LRPPRC: variants seen among roughly 807,000 people sequenced by gnomAD.
LRPPRC encodes leucine rich pentatricopeptide repeat containing.
Under a neutral mutation model 180.3 loss-of-function variants are expected in LRPPRC, and 120 were observed. The ratio of observed to expected loss-of-function variants is 0.67; its 90% confidence interval spans 0.57 to 0.77. The LOEUF is 0.77. Among genes scored for constraint, LRPPRC ranks in the 30% least tolerant of loss-of-function variants. LRPPRC has a pLI of 0.00. For synonymous variants in LRPPRC, 723 were observed against 600.0 expected (o/e 1.21, Z -3.00); for missense variants, 2,012 against 1,657.2 (o/e 1.21, Z -3.72).
At chr2:43,951,122 T>C (rs1482427191) in intron 14 of LRPPRC, among the ~76,000 whole-genome samples, 3 of 152,174 alleles carry the variant, frequency 2.0e-5, no homozygotes, top group African/African-American at 7.2e-5. Flanking sequence ...TACTACATAA[T>C]GGAGAAATCC....
rs1392989600 is a variant in LRPPRC, at chr2:43,949,609, T to C, written c.1728A>G (p.Gly576=). The C allele has an allele frequency of 6.2e-7, 1 of 1,613,824 alleles. No homozygotes were observed. Among genetic ancestry groups the C allele is most frequent in the Non-Finnish European group, 8.5e-7 (1 of 1,179,782 alleles). The change falls in exon 16 of 38, where the codon GGA becomes GGG. Residue 576 remains glycine (G), a synonymous_variant. Coordinates refer to ENST00000260665, the MANE Select transcript of LRPPRC (RefSeq NM_133259.4). Reference sequence around the variant, plus strand: ...TCGAAATTGAAACGCTACCCGTCGGTCCTCGAGGCTCCTGGCAATAACGTC... The same window carrying C: ...TCGAAATTGAAACGCTACCCGTCGGCCCTCGAGGCTCCTGGCAATAACGTC... The part of the protein sequence containing the change: ...KDGRYCQEPR[G]PTEAVGYFLY...
chr2:43,978,715 T>C (rs549169877), intron 3 of LRPPRC, among the ~76,000 whole-genome samples: 1 of 152,258 alleles, frequency 6.6e-6, no homozygotes, highest in Non-Finnish European at 1.5e-5. Context: ...TCTAGATGTA[T>C]TCAAAACTGT....
rs1558884356 is a variant in LRPPRC, at chr2:43,889,715, T to A, written c.4128+19A>T. 1 of 1,600,502 alleles carries A rather than the reference T, an allele frequency of 6.2e-7. No homozygotes were observed. ...AAATCTGCAGAGGTATTTTTTCCCCTTAATTAAGAAATACTCACAGGGGGT... is the reference window on the plus strand; with the variant it reads ...AAATCTGCAGAGGTATTTTTTCCCCATAATTAAGAAATACTCACAGGGGGT... On this transcript the variant is annotated intron_variant, in intron 37 of 37. Transcript: ENST00000260665.
chr2:43,913,933 A>T (rs926255606), intron 29 of LRPPRC, among the ~76,000 whole-genome samples: 1 of 152,210 alleles, frequency 6.6e-6, no homozygotes. Flanking sequence ...GAAAATAAAG[A>T]CATATTTTCA....
chr2:43,953,831 G>C (rs138991411), intron 14 of LRPPRC, among the ~76,000 whole-genome samples: 63 of 152,254 alleles, frequency 4.1e-4, no homozygotes, highest in African/African-American at 1.5e-3. Context: ...AGAGCTTCTA[G>C]CTGGGCTTCT....
chr2:43,925,523 G>A (rs940358777), intron 26 of LRPPRC, among the ~76,000 whole-genome samples: 2 of 152,046 alleles, frequency 1.3e-5, no homozygotes, highest in Non-Finnish European at 1.5e-5. Flanking sequence ...TTGCCCTGTG[G>A]CTTTTACTTG....
At position 43,976,232 on chromosome 2, in the gene LRPPRC, G is replaced by A. The variant is rs1216006178; in HGVS notation, c.651-3C>T. On this transcript the variant is annotated splice_region_variant and splice_polypyrimidine_tract_variant and intron_variant, in intron 5 of 37. Coordinates refer to ENST00000260665, the MANE Select transcript of LRPPRC (RefSeq NM_133259.4). ...TTTTCATAAATCCAAGAATCTTGCT[G>A]CAAAGGAAAAACGAAGATACTCATT... 1.9e-6 allele frequency: 3 copies of A among 1,579,310 alleles called. No individual in the cohort carries two copies. Among genetic ancestry groups the A allele is most frequent in the Non-Finnish European group, 2.6e-6 (3 of 1,148,394 alleles).
intron 36 of LRPPRC, among the ~76,000 whole-genome samples, chr2:43,893,544 GCA>G (rs1226039987): frequency 6.6e-6 from 1 of 152,120 alleles, no homozygotes; most frequent in Non-Finnish European, 1.5e-5. Context: ...ACTATTTTTA[GCA>G]ATATCTTAAA....
intron 23 of LRPPRC, among the ~76,000 whole-genome samples, chr2:43,939,652 A>T (rs1197857408): frequency 1.3e-5 from 2 of 152,224 alleles, no homozygotes; most frequent in Non-Finnish European, 2.9e-5. Context: ...TGAAAGAGCT[A>T]AATGTTTTTT....
intron 1 of LRPPRC, among the ~76,000 whole-genome samples, chr2:43,989,548 C>T (rs1322635538): frequency 6.6e-6 from 1 of 152,200 alleles, no homozygotes; most frequent in Non-Finnish European, 1.5e-5. Flanking sequence ...TGTTTACTTA[C>T]CTGTGAAAGT....
Position 43,966,274 on chromosome 2 carries a change from A to G in LRPPRC, c.1370-2568T>C, listed in dbSNP as rs570338604. On this transcript the variant is annotated intron_variant, in intron 11 of 37. Transcript: ENST00000260665. ...AAAAAAAAAAAAGTTGAACTCTGTT[A>G]TGGGACTGGGGTGTGAGTGAAAAGG... Among the ~76,000 whole-genome samples the G allele has an allele frequency of 6.6e-5, 10 of 152,192 alleles. 1 individual carries two copies. The East Asian group carries it at 1.9e-3, about 29-fold the overall frequency.
chr2:43,992,458 C>T (rs1284547236), intron 1 of LRPPRC, among the ~76,000 whole-genome samples: 3 of 151,980 alleles, frequency 2.0e-5, no homozygotes, highest in South Asian at 2.1e-4. Context: ...GAAGAGTTGA[C>T]GCTCCAGAGG....
chr2:43,949,660 C>T lies in LRPPRC; in HGVS notation c.1678-1G>A, dbSNP rs1351402169. ...CATCCTTGTACAACAATTCTGTTATCTGGTAAGACAGAAAATTCGTGCATT... is the reference window on the plus strand; with the variant it reads ...CATCCTTGTACAACAATTCTGTTATTTGGTAAGACAGAAAATTCGTGCATT... On this transcript the variant is annotated splice_acceptor_variant, in intron 15 of 37. Transcript: ENST00000260665. LOFTEE classifies it high-confidence loss of function. 3.7e-6 allele frequency: 6 copies of T among 1,611,932 alleles called. No individual in the cohort carries two copies. The highest frequency in any genetic ancestry group is 1.7e-5 in the Admixed American group (1 of 60,004).
chr2:43,915,150 G>C (rs1558929610), intron 29 of LRPPRC, among the ~76,000 whole-genome samples: 1 of 146,102 alleles, frequency 6.8e-6, no homozygotes, highest in Non-Finnish European at 1.5e-5. Context: ...CTTGAGTCCA[G>C]AAGGCAGAGG....
chr2:43,957,554 A>T, intron 13 of LRPPRC, 103 bp from the exon 14 acceptor site: 1 of 825,372 alleles, frequency 1.2e-6, no homozygotes, highest in Non-Finnish European at 2.0e-6. Flanking sequence ...TTTAGTTTTC[A>T]TTTTGGAAAT....
chr2:43,993,894 A>G (rs929284432), intron 1 of LRPPRC, among the ~76,000 whole-genome samples: 1 of 152,190 alleles, frequency 6.6e-6, no homozygotes, highest in African/African-American at 2.4e-5. Flanking sequence ...AAGCAACTTT[A>G]CAAAGATAAG....
intron 1 of LRPPRC, among the ~76,000 whole-genome samples, chr2:43,992,434 T>C (rs1674822274): frequency 6.6e-6 from 1 of 152,130 alleles, no homozygotes; most frequent in Non-Finnish European, 1.5e-5. Flanking sequence ...CAGGATGCCA[T>C]GGGAGGGAAC....
In LRPPRC at chr2:43,918,329, C is replaced by G. The variant is rs774857058; in HGVS notation, c.2966G>C (p.Arg989Pro). Residue 989 changes from arginine (R) to proline (P), a missense_variant, in exon 28 of 38, where the codon CGT becomes CCT. Physicochemically the swap from Arg to Pro is moderately radical, Grantham distance 103. Coordinates refer to ENST00000260665, the MANE Select transcript of LRPPRC (RefSeq NM_133259.4). Reference sequence around the variant, plus strand: ...TGCTAATAATCTTAATGTCTTTTCACGAGGAATAACATTTTCTTCTTGGAT... The same window carrying G: ...TGCTAATAATCTTAATGTCTTTTCAGGAGGAATAACATTTTCTTCTTGGAT... ...NKIQEENVIP[R>P]EKTLRLLAEI... The G allele has an allele frequency of 1.5e-5, 24 of 1,609,496 alleles. No homozygotes were observed. Among genetic ancestry groups the G allele is most frequent in the African/African-American group, 5.3e-5 (4 of 74,806 alleles).
intron 30 of LRPPRC, among the ~76,000 whole-genome samples, chr2:43,908,118 T>C (rs1309481827): frequency 1.3e-5 from 2 of 152,154 alleles, no homozygotes; most frequent in African/African-American, 4.8e-5. Context: ...AACAGAATGA[T>C]ACAGGAAGCC....
Sources: gnomAD v4.1 joint callset for allele counts (sites outside exome capture counted in the v4.1 genomes callset) on GRCh38, gnomAD v4.1.1 for gene constraint, MANE v1.5 for transcripts, NCBI Gene and HGNC (gene_info 2026-07-23, HGNC 2026-07-21) for gene names.